The following ROBO2 variants were observed in gnomAD, a reference collection of about 807,000 sequenced individuals.
The protein encoded by ROBO2 is roundabout guidance receptor 2.
A neutral mutation model predicts 160.8 loss-of-function variants in ROBO2; 53 were observed. That is an observed-to-expected ratio of 0.33 (90% CI 0.26 to 0.41). The LOEUF (loss-of-function observed/expected upper bound fraction) is 0.41. Among genes scored for constraint, ROBO2 ranks in the 10% least tolerant of loss-of-function variants. The pLI is 1.00. For synonymous variants in ROBO2, 664 were observed against 611.7 expected, an observed-to-expected ratio of 1.09 and a Z score of -1.26; for missense variants, 1,577 against 1,722.4, an observed-to-expected ratio of 0.92 and a Z score of 1.49.
intron 2 of ROBO2, among the ~76,000 whole-genome samples, chr3:75,978,487 C>A (rs2065189391): frequency 6.6e-6 from 1 of 151,312 alleles, no homozygotes; most frequent in Non-Finnish European, 1.5e-5. Context: ...AAATGCTTCA[C>A]AATTTTAAAA....
chr3:76,531,173 C>A (rs1397118517), intron 2 of ROBO2, among the ~76,000 whole-genome samples: 1 of 152,078 alleles, frequency 6.6e-6, no homozygotes, highest in Non-Finnish European at 1.5e-5. Flanking sequence ...TAAGTTGAGA[C>A]ATTATAAAAG....
chr3:76,696,159 C>T (rs2092922493), intron 2 of ROBO2, among the ~76,000 whole-genome samples: 1 of 152,080 alleles, frequency 6.6e-6, no homozygotes, highest in South Asian at 2.1e-4. Context: ...GCGGGAAAGT[C>T]GTAACGAGTC....
At chr3:76,500,080 C>A (rs930770545) in intron 2 of ROBO2, among the ~76,000 whole-genome samples, 1 of 151,958 alleles carries the variant, frequency 6.6e-6, no homozygotes, top group African/African-American at 2.4e-5. Context: ...GGTTTTAAAA[C>A]TTGGGGTGGT....
chr3:77,368,611 T>A (rs965520868), intron 2 of ROBO2, among the ~76,000 whole-genome samples: 1 of 152,248 alleles, frequency 6.6e-6, no homozygotes, highest in South Asian at 2.1e-4. Context: ...AAAATATTAG[T>A]TAATATGCCC....
At chr3:76,799,133 G>C (rs1048999075) in intron 2 of ROBO2, among the ~76,000 whole-genome samples, 1 of 151,788 alleles carries the variant, frequency 6.6e-6, no homozygotes, top group East Asian at 1.9e-4. Flanking sequence ...AGAATCACTT[G>C]AACCCAGGAG....
At chr3:76,991,198 A>G (rs2060646834) in intron 2 of ROBO2, among the ~76,000 whole-genome samples, 1 of 152,158 alleles carries the variant, frequency 6.6e-6, no homozygotes, top group South Asian at 2.1e-4. Flanking sequence ...AGGAGGGAAG[A>G]ATTGAGCTTG....
intron 2 of ROBO2, among the ~76,000 whole-genome samples, chr3:76,342,962 A>G (rs1035058119): frequency 6.6e-6 from 1 of 152,118 alleles, no homozygotes; most frequent in Non-Finnish European, 1.5e-5. Flanking sequence ...TATAGTTATA[A>G]CATGTAAGTA....
At position 77,558,418 on chromosome 3, in the gene ROBO2, C is replaced by T. The variant is rs775774; in HGVS notation, c.1437+269C>T. Among the ~76,000 whole-genome samples, 81,067 of 151,846 alleles carry T rather than the reference C, an allele frequency of 0.53. 21,735 individuals are homozygous for T. Among genetic ancestry groups the T allele is most frequent in the Middle Eastern group, 0.68 (199 of 294 alleles). On this transcript the variant is annotated intron_variant, in intron 9 of 25. Coordinates refer to ENST00000461745, the Ensembl canonical transcript of ROBO2. ...GTATACAGTCAACAAATCTAGAAAT[C>T]TTAAACACATAGCATTAATATGAGT...
chr3:77,478,611 G>T (rs1425824209), intron 3 of ROBO2, among the ~76,000 whole-genome samples: 1 of 152,114 alleles, frequency 6.6e-6, no homozygotes, highest in East Asian at 1.9e-4. Context: ...TTAACTTTCT[G>T]ATATTATTCA....
intron 2 of ROBO2, among the ~76,000 whole-genome samples, chr3:76,865,087 A>C (rs79131035): frequency 0.011 from 1,673 of 152,152 alleles, 36 homozygotes; most frequent in African/African-American, 0.037. Flanking sequence ...CCCTAGAGAC[A>C]TCTTACAGAC....
chr3:76,852,157 T>A (rs1323402880), intron 2 of ROBO2, among the ~76,000 whole-genome samples: 1 of 152,180 alleles, frequency 6.6e-6, no homozygotes, highest in Non-Finnish European at 1.5e-5. Context: ...TTGGGAAACT[T>A]TTTTTACACC....
At chr3:76,495,143 T>G (rs2080073362) in intron 2 of ROBO2, among the ~76,000 whole-genome samples, 1 of 152,084 alleles carries the variant, frequency 6.6e-6, no homozygotes, top group South Asian at 2.1e-4. Flanking sequence ...ATATAGCCTA[T>G]GGAATCTAAC....
chr3:76,153,246 G>C (rs769518393), intron 2 of ROBO2, among the ~76,000 whole-genome samples: 8 of 152,138 alleles, frequency 5.3e-5, no homozygotes, highest in East Asian at 1.9e-4. Flanking sequence ...CTGCATCCCA[G>C]AGAGTTTAAA....
chr3:76,036,107 G>A lies in ROBO2; in HGVS notation c.109+98505G>A, dbSNP rs921873665. Among the ~76,000 whole-genome samples, 64 of 151,948 alleles carry A rather than the reference G, an allele frequency of 4.2e-4. 2 individuals carry two copies. Among genetic ancestry groups the A allele is most frequent in the African/African-American group, 1.5e-3 (63 of 41,246 alleles). ...CTTCTACACATTTCTTTGGTGTAGG[G>A]ATGATGTCGTGGAATATTGTGCATT... On this transcript the variant is annotated intron_variant, in intron 2 of 26. Transcript: ENST00000487694.
chr3:75,970,311 T>G (rs2064957204), intron 2 of ROBO2, among the ~76,000 whole-genome samples: 1 of 151,546 alleles, frequency 6.6e-6, no homozygotes, highest in African/African-American at 2.4e-5. Context: ...AGGTTTATAT[T>G]GCTTCATAAG....
chr3:76,123,888 C>A (rs1282140833), intron 2 of ROBO2, among the ~76,000 whole-genome samples: 1 of 152,018 alleles, frequency 6.6e-6, no homozygotes, highest in African/African-American at 2.4e-5. Flanking sequence ...TGGCTTTTTC[C>A]CCTTTCCCCT....
At chr3:76,922,358 C>T (rs1424883638) in intron 2 of ROBO2, among the ~76,000 whole-genome samples, 6 of 152,186 alleles carry the variant, frequency 3.9e-5, no homozygotes, top group African/African-American at 9.6e-5. Context: ...GGAACTGGGA[C>T]GTACAAAGGA....
intron 2 of ROBO2, among the ~76,000 whole-genome samples, chr3:76,410,156 A>G (rs866059780): frequency 2.0e-5 from 3 of 152,126 alleles, no homozygotes; most frequent in Non-Finnish European, 2.9e-5. Flanking sequence ...ATTTTCCAGC[A>G]AGTCTCTACT....
intron 2 of ROBO2, among the ~76,000 whole-genome samples, chr3:77,006,855 T>C (rs2061606480): frequency 6.6e-6 from 1 of 152,090 alleles, no homozygotes; most frequent in South Asian, 2.1e-4. Flanking sequence ...CTGCTCAATA[T>C]ATTAGGAAGT....
Sources: allele counts gnomAD v4.1 joint callset (sites outside exome capture counted in the v4.1 genomes callset), GRCh38; gene constraint gnomAD v4.1.1; transcripts MANE v1.5; gene names NCBI Gene and HGNC (gene_info 2026-07-23, HGNC 2026-07-21).